ARAP2: variants seen among roughly 807,000 people sequenced by gnomAD.
ARAP2 encodes the protein arf-GAP with Rho-GAP domain, ANK repeat and PH domain-containing protein 2.
Under a neutral mutation model 194.5 loss-of-function variants are expected in ARAP2, and 148 were observed. The observed-to-expected ratio is 0.76, with a 90% CI of 0.67 to 0.87. ARAP2 has a LOEUF of 0.87. ARAP2 is among the 40% of genes least tolerant of loss of function. The pLI is 0.00. For synonymous variants in ARAP2, 695 were observed against 683.5 expected (o/e 1.02, Z -0.26); for missense variants, 2,128 against 1,989.7 (o/e 1.07, Z -1.32).
intron 6 of ARAP2, among the ~76,000 whole-genome samples, chr4:36,196,778 T>C (rs1743203766): frequency 6.6e-6 from 1 of 151,924 alleles, no homozygotes; most frequent in Non-Finnish European, 1.5e-5. Context: ...AATCTGTGGG[T>C]ACATACTCGG....
intron 22 of ARAP2, among the ~76,000 whole-genome samples, chr4:36,122,036 T>TA (rs544760632): frequency 1.8e-4 from 27 of 151,064 alleles, no homozygotes; most frequent in African/African-American, 5.1e-4. Context: ...ATAAAGTAAT[T>TA]AAAAAAAATA....
intron 5 of ARAP2, among the ~76,000 whole-genome samples, chr4:36,025,286 T>C (rs1024098746): frequency 6.6e-6 from 1 of 152,150 alleles, no homozygotes; most frequent in African/African-American, 2.4e-5. Context: ...ACCCACCATA[T>C]GGATTTTAAC....
rs758152417 is a variant in ARAP2, at chr4:36,159,480, G to A, written c.2468C>T (p.Pro823Leu). ...NKALCAAVVK[P>L]DVLETMALLF... ...CAAAGCCATTGTTTCTAGAACATCCGGTTTCACTACAGCAGCACATAGAGC... is the reference window on the plus strand; with the variant it reads ...CAAAGCCATTGTTTCTAGAACATCCAGTTTCACTACAGCAGCACATAGAGC... The change falls in exon 14 of 33, where the codon CCG (proline) becomes CTG (leucine). Residue 823 changes from proline to leucine, a missense_variant. Coordinates refer to ENST00000303965, the MANE Select transcript of ARAP2 (RefSeq NM_015230.4). 1.1e-5 allele frequency: 17 copies of A among 1,583,594 alleles called. No individual in the cohort carries two copies. Among genetic ancestry groups the A allele is most frequent in the East Asian group, 4.6e-5 (2 of 43,432 alleles).
intron 12 of ARAP2, 89 bp downstream of exon 12, chr4:36,161,376 T>A (rs141287201): frequency 9.7e-7 from 1 of 1,033,520 alleles, no homozygotes; most frequent in Non-Finnish European, 1.5e-6. Context: ...CGAGAAAAAT[T>A]CCTGCCACCC....
intron 19 of ARAP2, among the ~76,000 whole-genome samples, chr4:36,139,904 G>A (rs1255869579): frequency 6.6e-6 from 1 of 151,412 alleles, no homozygotes; most frequent in Non-Finnish European, 1.5e-5. Context: ...TACTAATAGA[G>A]TATCAATCTA....
In ARAP2 at chr4:36,067,979, T is replaced by C; in HGVS notation, c.5043A>G (p.Glu1681=). ...ACCGTTGTAGAACCACATTAAGTTCTTCAATTACCCTTGATGGTAACTTAT... is the reference window on the plus strand; with the variant it reads ...ACCGTTGTAGAACCACATTAAGTTCCTCAATTACCCTTGATGGTAACTTAT... ...SDHKLPSRVI[E]ELNVVLQRSR... The change falls in exon 33 of 33, where the codon GAA becomes GAG. Residue 1681 remains glutamate (E), a synonymous_variant. Coordinates refer to ENST00000303965, the MANE Select transcript of ARAP2 (RefSeq NM_015230.4). 6.2e-7 allele frequency: 1 copy of C among 1,614,152 alleles called. No individual in the cohort carries two copies. The highest frequency in any genetic ancestry group is 2.2e-5 in the East Asian group (1 of 44,876).
In ARAP2 at chr4:36,138,509, T is replaced by C. The variant is rs544562544; in HGVS notation, c.3264-5120A>G. On this transcript the variant is annotated intron_variant, in intron 19 of 32. Transcript: ENST00000303965. ...CTGGCTTCTTTTATTCAGCACAATG[T>C]TTTTTAAGATTCATTCATGTTGTTG... Among the ~76,000 whole-genome samples, 3 of 151,794 alleles carry C rather than the reference T, an allele frequency of 2.0e-5. No homozygotes were observed. The South Asian group carries it at 6.2e-4, about 31-fold the overall frequency.
chr4:36,013,536 G>A (rs989464780), intron 8 of ARAP2, among the ~76,000 whole-genome samples: 3 of 152,130 alleles, frequency 2.0e-5, no homozygotes, highest in Non-Finnish European at 4.4e-5. Context: ...GTTTGGGCAC[G>A]TGAGATTTTA....
chr4:36,037,003 A>T (rs1404411405), intron 5 of ARAP2, among the ~76,000 whole-genome samples: 1 of 152,050 alleles, frequency 6.6e-6, no homozygotes, highest in Non-Finnish European at 1.5e-5. Flanking sequence ...TCATGTTCTT[A>T]TTCTTCCCCT....
Position 36,125,945 on chromosome 4 carries a change from C to T in ARAP2, c.3641-978G>A, listed in dbSNP as rs1453438874. ...AAAATCAGCAGCACGCTAATGATGTCTTAAAAGTACAAAGTCACTTGTAAA... is the reference window on the plus strand; with the variant it reads ...AAAATCAGCAGCACGCTAATGATGTTTTAAAAGTACAAAGTCACTTGTAAA... On this transcript the variant is annotated intron_variant, in intron 21 of 32. Transcript: ENST00000303965. 2.6e-5 allele frequency among the ~76,000 whole-genome samples: 4 copies of T among 152,124 alleles called. No individual in the cohort carries two copies. The South Asian group carries it at 8.3e-4, about 31-fold the overall frequency.
intron 4 of ARAP2, 57 bp from the exon 5 acceptor site, chr4:36,212,544 A>G: frequency 8.3e-7 from 1 of 1,197,688 alleles, no homozygotes; most frequent in South Asian, 1.3e-5. Flanking sequence ...TGGTTTGGGG[A>G]TTTGTTTGTA....
At chr4:36,209,512 A>G (rs1393287827) in intron 6 of ARAP2, 1 of 346,816 alleles carries the variant, frequency 2.9e-6, no homozygotes, top group South Asian at 2.2e-5. Context: ...TCCTGCTTCT[A>G]CTAGTCATCT....
chr4:36,092,651 A>G (rs1373788932), intron 27 of ARAP2, among the ~76,000 whole-genome samples: 1 of 152,166 alleles, frequency 6.6e-6, no homozygotes, highest in African/African-American at 2.4e-5. Context: ...TTTTTAAAAT[A>G]TTAATTACAT....
At chr4:36,049,496 AT>A in intron 3 of ARAP2, among the ~76,000 whole-genome samples, 1 of 152,214 alleles carries the variant, frequency 6.6e-6, no homozygotes, top group Admixed American at 6.5e-5. Context: ...TGACTATTTG[AT>A]TTTCTTGAGG....
chr4:36,037,401 A>T (rs1720108114), intron 5 of ARAP2, among the ~76,000 whole-genome samples: 1 of 152,176 alleles, frequency 6.6e-6, no homozygotes, highest in African/African-American at 2.4e-5. Flanking sequence ...AGCCTGAAAG[A>T]GGAGATTAGC....
At chr4:36,240,768 A>C (rs1479567067) in intron 1 of ARAP2, among the ~76,000 whole-genome samples, 3 of 152,226 alleles carry the variant, frequency 2.0e-5, no homozygotes, top group Non-Finnish European at 4.4e-5. Flanking sequence ...TCAAGGAGTA[A>C]GGATTGTCTA....
chr4:36,182,297 C>A (rs1227497365), intron 8 of ARAP2, among the ~76,000 whole-genome samples: 1 of 152,070 alleles, frequency 6.6e-6, no homozygotes, highest in Non-Finnish European at 1.5e-5. Flanking sequence ...TTGAGACCAT[C>A]CTGGCTAACA....
rs1253083764 is a variant in ARAP2, at chr4:36,067,084, G to A, written c.*823C>T. The A allele has an allele frequency of 6.6e-6, 1 of 152,214 alleles. No homozygotes were observed. The highest frequency in any genetic ancestry group is 2.4e-5 in the African/African-American group (1 of 41,466). The allele number at this position is 152,214 out of a possible 1,614,324, so 9.4% of individuals were successfully genotyped here. A position where few individuals can be genotyped will look rare whatever the true frequency, so the allele number is the denominator to read the frequency against. ...GACAGTGCAATCAGCATCCAGGCCA[G>A]GTCCTGTGTACACAACCTCTCCAAT... On this transcript the variant is annotated 3_prime_UTR_variant, in exon 33 of 33. Coordinates refer to ENST00000303965, the MANE Select transcript of ARAP2 (RefSeq NM_015230.4).
intron 30 of ARAP2, among the ~76,000 whole-genome samples, chr4:36,081,130 T>G (rs1279795615): frequency 6.6e-6 from 1 of 152,154 alleles, no homozygotes; most frequent in African/African-American, 2.4e-5. Context: ...ATGAAAACAT[T>G]GTCTTTCCCT....
Sources: allele counts gnomAD v4.1 joint callset (sites outside exome capture counted in the v4.1 genomes callset), GRCh38; gene constraint gnomAD v4.1.1; transcripts MANE v1.5; gene names NCBI Gene and HGNC (gene_info 2026-07-23, HGNC 2026-07-21).